The following LAMA2 variants were observed in gnomAD, a reference collection of about 807,000 sequenced individuals.
LAMA2 encodes laminin subunit alpha 2, also known as laminin subunit alpha-2.
Under a neutral mutation model 364.8 loss-of-function variants are expected in LAMA2, and 269 were observed. The observed-to-expected ratio is 0.74, with a 90% CI of 0.67 to 0.82. LAMA2 has a LOEUF of 0.82. Ranked by LOEUF, LAMA2 falls within the 40% of genes least tolerant of loss-of-function variation. LAMA2 has a pLI of 0.00. For missense variants in LAMA2, 3,807 were observed against 3,873.2 expected (o/e 0.98, Z 0.45); for synonymous variants, 1,379 against 1,370.6 (o/e 1.01, Z -0.14).
At chr6:128,939,215 GA>G (rs1234993774) in intron 1 of LAMA2, among the ~76,000 whole-genome samples, 3 of 151,964 alleles carry the variant, frequency 2.0e-5, no homozygotes, top group African/African-American at 7.2e-5. Context: ...GCCTTTTCAT[GA>G]AAAAGGATAC....
rs1330961095 is a variant in LAMA2 at position 129,300,986 on chromosome 6, A to G, written c.3174+114A>G. 1.2e-5 allele frequency: 11 copies of G among 891,972 alleles called. No individual in the cohort carries two copies. In the Admixed American group the frequency reaches 1.8e-4, roughly 15 times the overall value. The allele number at this position is 891,972 out of a possible 1,614,324, so 55.3% of individuals were successfully genotyped here. A position where few individuals can be genotyped will look rare whatever the true frequency, so the allele number is the denominator to read the frequency against. ...TTACATCACAAAATAATGTAGAAGT[A>G]TTACTATAATGTGATTACAGATATT... On this transcript the variant is annotated intron_variant, in intron 22 of 64. Coordinates refer to ENST00000421865, the MANE Select transcript of LAMA2 (RefSeq NM_000426.4).
At chr6:129,042,911 C>A (rs1787206922) in intron 1 of LAMA2, among the ~76,000 whole-genome samples, 1 of 151,968 alleles carries the variant, frequency 6.6e-6, no homozygotes, top group Non-Finnish European at 1.5e-5. Context: ...TATCATTTCC[C>A]CCATTCATGG....
chr6:128,969,007 G>T (rs1287293908), intron 1 of LAMA2, among the ~76,000 whole-genome samples: 1 of 152,168 alleles, frequency 6.6e-6, no homozygotes, highest in Non-Finnish European at 1.5e-5. Context: ...AGAAGACTTT[G>T]GTAGGTTCGG....
chr6:128,970,750 A>G (rs73773599), intron 1 of LAMA2, among the ~76,000 whole-genome samples: 1,544 of 152,302 alleles, frequency 0.01, 32 homozygotes, highest in African/African-American at 0.035. Flanking sequence ...TGATAGAATT[A>G]CCATCACTAA....
At chr6:129,254,656 C>T (rs1786505000) in intron 14 of LAMA2, among the ~76,000 whole-genome samples, 1 of 152,108 alleles carries the variant, frequency 6.6e-6, no homozygotes, top group Admixed American at 6.5e-5. Flanking sequence ...ATGCTGAGAC[C>T]CATTAGATAA....
At chr6:129,468,294 C>T (rs886222481) in intron 51 of LAMA2, among the ~76,000 whole-genome samples, 1 of 151,762 alleles carries the variant, frequency 6.6e-6, no homozygotes, top group South Asian at 2.1e-4. Flanking sequence ...CTACCTTCTG[C>T]CCATGGTTGT....
intron 21 of LAMA2, among the ~76,000 whole-genome samples, chr6:129,298,807 A>ATGATAAGTTATTCTAAT (rs3839403): frequency 6.6e-6 from 1 of 151,504 alleles, no homozygotes; most frequent in East Asian, 1.9e-4. Context: ...AAATTAAGCC[A>ATGATAAGTTATTCTAAT]TGATAAGTTA....
At chr6:128,942,916 C>T (rs990611134) in intron 1 of LAMA2, among the ~76,000 whole-genome samples, 2 of 152,034 alleles carry the variant, frequency 1.3e-5, no homozygotes, top group African/African-American at 2.4e-5. Flanking sequence ...TGTGACTGCT[C>T]CAATCGTAGT....
rs2114859872 is a variant in LAMA2, at chr6:129,492,048, C to T, written c.8046C>T (p.Gly2682=). 1 of 1,614,004 alleles carries T rather than the reference C, an allele frequency of 6.2e-7. No individual in the cohort carries two copies. The highest frequency in any genetic ancestry group is 1.6e-4 in the Middle Eastern group (1 of 6,062). Residue 2682 remains glycine (G), a synonymous_variant, in exon 57 of 65, where the codon GGC becomes GGT. Coordinates refer to ENST00000421865, the MANE Select transcript of LAMA2 (RefSeq NM_000426.4). The part of the protein sequence containing the change: ...SPLRNIPPFE[G]CIWNLVINSV... ...TCAGAAATATTCCTCCTTTTGAAGG[C>T]TGCATATGGAATCTTGTTATTAACT...
chr6:129,250,057 T>C, intron 12 of LAMA2, 55 bp from the exon 13 acceptor site: 2 of 1,044,466 alleles, frequency 1.9e-6, no homozygotes, highest in South Asian at 2.5e-5. Flanking sequence ...AAGTAAAATA[T>C]GATTTAATAG....
chr6:129,316,423 T>C (rs1273309405), intron 27 of LAMA2, among the ~76,000 whole-genome samples: 1 of 152,184 alleles, frequency 6.6e-6, no homozygotes, highest in Non-Finnish European at 1.5e-5. Flanking sequence ...GAGTTTAAGA[T>C]GCCAGTCATA....
chr6:129,458,445 C>T (rs1783080954), intron 48 of LAMA2, among the ~76,000 whole-genome samples: 1 of 151,954 alleles, frequency 6.6e-6, no homozygotes, highest in South Asian at 2.1e-4. Flanking sequence ...TACTGCCACA[C>T]CAGAATATGA....
At chr6:129,214,324 G>A (rs74716228) in intron 12 of LAMA2, among the ~76,000 whole-genome samples, 8,821 of 152,148 alleles carry the variant, frequency 0.058, 302 homozygotes, top group Non-Finnish European at 0.069. Flanking sequence ...ACCCACCCTC[G>A]AGGTAGCTAA....
intron 17 of LAMA2, among the ~76,000 whole-genome samples, chr6:129,276,710 A>AT (rs1387365538): frequency 6.6e-6 from 1 of 152,122 alleles, no homozygotes; most frequent in African/African-American, 2.4e-5. Flanking sequence ...CCAAATGTTG[A>AT]TCCACCCTTA....
At chr6:129,053,812 A>G (rs1788267468) in intron 2 of LAMA2, among the ~76,000 whole-genome samples, 1 of 152,188 alleles carries the variant, frequency 6.6e-6, no homozygotes, top group South Asian at 2.1e-4. Context: ...GACTATAGAA[A>G]TATTCTGTCA....
At chr6:129,277,210 A>G (rs1788392210) in intron 17 of LAMA2, among the ~76,000 whole-genome samples, 1 of 152,148 alleles carries the variant, frequency 6.6e-6, no homozygotes, top group African/African-American at 2.4e-5. Flanking sequence ...AAATGACATA[A>G]TCTTGGAATC....
intron 42 of LAMA2, among the ~76,000 whole-genome samples, chr6:129,440,525 T>A (rs1299303798): frequency 1.3e-5 from 2 of 152,126 alleles, no homozygotes; most frequent in African/African-American, 4.8e-5. Context: ...ATTTATCTCG[T>A]GAATAAGTTC....
In LAMA2 at chr6:129,328,346, C is replaced by T. The variant is rs771871865; in HGVS notation, c.4245C>T (p.Gly1415=). The T allele has an allele frequency of 2.5e-6, 4 of 1,614,208 alleles. No individual in the cohort carries two copies. Among genetic ancestry groups the T allele is most frequent in the Non-Finnish European group, 3.4e-6 (4 of 1,180,018 alleles). The part of the protein sequence containing the change: ...PGGRTPGPTL[G]TCVPCQCNGH... ...GCCGCACCCCTGGACCAACCCTGGG[C>T]ACCTGTGTTCCATGTCAATGTAATG... The change falls in exon 29 of 65, where the codon GGC becomes GGT. Residue 1415 remains glycine, a synonymous_variant. Coordinates refer to ENST00000421865, the MANE Select transcript of LAMA2 (RefSeq NM_000426.4).
At chr6:129,276,111 T>C (rs1402503591) in intron 17 of LAMA2, among the ~76,000 whole-genome samples, 1 of 152,132 alleles carries the variant, frequency 6.6e-6, no homozygotes, top group Non-Finnish European at 1.5e-5. Context: ...GAATTTTTTC[T>C]TTTTCTCCTC....
Sources: allele counts gnomAD v4.1 joint callset (sites outside exome capture counted in the v4.1 genomes callset), GRCh38; gene constraint gnomAD v4.1.1; transcripts MANE v1.5; gene names NCBI Gene and HGNC (gene_info 2026-07-23, HGNC 2026-07-21).